SLC40A1: variants seen among roughly 807,000 people sequenced by gnomAD.
SLC40A1 encodes ferroportin.
In SLC40A1, 16 loss-of-function variants were observed where a neutral mutation model predicts 53.5. The ratio of observed to expected loss-of-function variants is 0.30; its 90% CI spans 0.20 to 0.45. SLC40A1 has a LOEUF of 0.45. SLC40A1 is among the 20% of genes least tolerant of loss of function. The probability of loss-of-function intolerance (pLI) is 1.00; values close to 1 mark genes in which losing one functional copy is unlikely to be tolerated. For synonymous variants in SLC40A1, 247 were observed against 253.2 expected (o/e 0.98, Z 0.23); for missense variants, 545 against 695.4 (o/e 0.78, Z 2.43).
chr2:189,565,607 G>C lies in SLC40A1; in HGVS notation c.515-8C>G. ...GTATTGTGGCATTCATATCTAGAGA[G>C]GCAGGTGAAAGAGGCAGGTAAGTGT... is the stretch of plus-strand genomic sequence containing the variant. On this transcript the variant is annotated splice_region_variant and splice_polypyrimidine_tract_variant and intron_variant, in intron 5 of 7. Transcript: ENST00000261024. The C allele has an allele frequency of 6.2e-7, 1 of 1,614,174 alleles. No individual in the cohort carries two copies. Among genetic ancestry groups the C allele is most frequent in the Non-Finnish European group, 8.5e-7 (1 of 1,180,042 alleles).
intron 6 of SLC40A1, among the ~76,000 whole-genome samples, chr2:189,564,455 T>C (rs4508635): frequency 0.22 from 33,825 of 151,680 alleles, 4,064 homozygotes; most frequent in Non-Finnish European, 0.26. Context: ...CCTCTTTTTT[T>C]TCTCTCTCTC....
chr2:189,570,422 A>C (rs929249653), intron 5 of SLC40A1, among the ~76,000 whole-genome samples: 11 of 152,160 alleles, frequency 7.2e-5, no homozygotes, highest in Non-Finnish European at 1.2e-4. Flanking sequence ...GTAGTTTGTT[A>C]AAAAGAGAAA....
chr2:189,579,007 G>C (rs1028891497), intron 2 of SLC40A1, among the ~76,000 whole-genome samples: 1 of 152,156 alleles, frequency 6.6e-6, no homozygotes, highest in Admixed American at 6.5e-5. Flanking sequence ...GCCATGGACA[G>C]AATATAGCCA....
chr2:189,565,591 C>A lies in SLC40A1; in HGVS notation c.523G>T (p.Ala175Ser). The change falls in exon 6 of 8, where the codon GCC (alanine) becomes TCC (serine). Residue 175 changes from alanine to serine, a missense_variant. Physicochemically the swap from Ala to Ser is moderately conservative, Grantham distance 99 (BLOSUM62 1). Transcript: ENST00000261024. ...AACTGGTCAATCCTTCGTATTGTGGCATTCATATCTAGAGAGGCAGGTGAA... is the reference window on the plus strand; with the variant it reads ...AACTGGTCAATCCTTCGTATTGTGGAATTCATATCTAGAGAGGCAGGTGAA... ...EDRSKLANMNATIRRIDQLTN... is the reference protein window; with the variant it reads ...EDRSKLANMNSTIRRIDQLTN... 6.2e-7 allele frequency: 1 copy of A among 1,614,236 alleles called. No individual in the cohort carries two copies. Among genetic ancestry groups the A allele is most frequent in the South Asian group, 1.1e-5 (1 of 91,090 alleles).
chr2:189,571,634 A>G, intron 5 of SLC40A1, 81 bp downstream of exon 5: 1 of 1,560,422 alleles, frequency 6.4e-7, no homozygotes, highest in Non-Finnish European at 8.7e-7. Context: ...CAAAAATACA[A>G]GGCTTACAGC....
intron 1 of SLC40A1, 122 bp downstream of exon 1, chr2:189,580,296 G>T: frequency 9.3e-7 from 1 of 1,072,098 alleles, no homozygotes; most frequent in Non-Finnish European, 1.4e-6. Flanking sequence ...ATGAGTCAAA[G>T]GATCTTTTTA....
Position 189,561,111 on chromosome 2 carries a change from T to C in SLC40A1, c.*767A>G, listed in dbSNP as rs1462101283. 6 of 152,250 alleles carry C rather than the reference T, an allele frequency of 3.9e-5. No homozygotes were observed. Among genetic ancestry groups the C allele is most frequent in the East Asian group, 1.9e-4 (1 of 5,202 alleles). The allele number at this position is 152,250 out of a possible 1,614,324, so 9.4% of individuals were successfully genotyped here. On this transcript the variant is annotated 3_prime_UTR_variant, in exon 8 of 8. Coordinates refer to ENST00000261024, the MANE Select transcript of SLC40A1 (RefSeq NM_014585.6). ...AAATTGGGATTCTTGCCCTTCTGTG[T>C]GGCTTTTGGCTTCTAGGTTCTATGA... is the stretch of plus-strand genomic sequence containing the variant.
At chr2:189,565,705 T>C (rs560124151) in intron 5 of SLC40A1, 106 bp from the exon 6 acceptor site, 2 of 1,495,228 alleles carry the variant, frequency 1.3e-6, no homozygotes, top group East Asian at 4.5e-5. Context: ...ATTCCTAAAA[T>C]GTGGTTTTCT....
chr2:189,575,784 T>A lies in SLC40A1; in HGVS notation c.112-464A>T, dbSNP rs140412995. Among the ~76,000 whole-genome samples the A allele has an allele frequency of 5.3e-5, 8 of 152,340 alleles. No homozygotes were observed. The South Asian group carries it at 1.2e-3, about 24-fold the overall frequency. On this transcript the variant is annotated intron_variant, in intron 2 of 7. Coordinates refer to ENST00000261024, the MANE Select transcript of SLC40A1 (RefSeq NM_014585.6). ...CATCAAGAAAAAGCCAGTTTTCCAATTTGTAAAATGATGGGAATGGACCAT... is the reference window on the plus strand; with the variant it reads ...CATCAAGAAAAAGCCAGTTTTCCAAATTGTAAAATGATGGGAATGGACCAT...
intron 7 of SLC40A1, among the ~76,000 whole-genome samples, chr2:189,562,525 TA>T (rs2030778305): frequency 6.6e-6 from 1 of 152,206 alleles, no homozygotes; most frequent in African/African-American, 2.4e-5. Context: ...TAAGTACTAG[TA>T]TTTTTTAAGT....
Position 189,576,857 on chromosome 2 carries a change from T to C in SLC40A1, c.112-1537A>G, listed in dbSNP as rs3792078. 8.5e-5 allele frequency among the ~76,000 whole-genome samples: 13 copies of C among 152,334 alleles called. No homozygotes were observed. The East Asian group carries it at 2.5e-3, about 29-fold the overall frequency. On this transcript the variant is annotated intron_variant, in intron 2 of 7. Transcript: ENST00000261024. ...TTCTTACTCTTATTGTATTTTTTAA[T>C]TGTCTTAGAGTCCTCTAAAGCAAGA...
intron 4 of SLC40A1, chr2:189,572,411 T>A: frequency 3.6e-6 from 1 of 278,068 alleles, no homozygotes; most frequent in South Asian, 3.8e-5. Flanking sequence ...ATCCCTCTCC[T>A]CTTTTCCATC....
At chr2:189,576,340 T>G (rs7600491) in intron 2 of SLC40A1, among the ~76,000 whole-genome samples, 1 of 152,070 alleles carries the variant, frequency 6.6e-6, no homozygotes, top group South Asian at 2.1e-4. Flanking sequence ...AACATCTTCA[T>G]GAAAAAATCC....
intron 6 of SLC40A1, among the ~76,000 whole-genome samples, chr2:189,564,794 C>T (rs536753195): frequency 6.0e-4 from 91 of 152,164 alleles, no homozygotes; most frequent in African/African-American, 1.9e-3. Context: ...GAGCCAAGAT[C>T]GCGCCACTGC....
intron 5 of SLC40A1, among the ~76,000 whole-genome samples, chr2:189,569,251 A>G (rs1039900608): frequency 1.3e-5 from 2 of 152,228 alleles, no homozygotes; most frequent in Non-Finnish European, 2.9e-5. Flanking sequence ...AATGGGAGCA[A>G]TCAGCATCCA....
chr2:189,577,432 C>T (rs957402814), intron 2 of SLC40A1, among the ~76,000 whole-genome samples: 3 of 152,096 alleles, frequency 2.0e-5, no homozygotes, highest in Non-Finnish European at 4.4e-5. Flanking sequence ...CTCTGGGAAA[C>T]GAGGGCTGGA....
chr2:189,570,453 C>A lies in SLC40A1; in HGVS notation c.514+1262G>T, dbSNP rs550204073. On this transcript the variant is annotated intron_variant, in intron 5 of 7. Coordinates refer to ENST00000261024, the MANE Select transcript of SLC40A1 (RefSeq NM_014585.6). Reference sequence around the variant, plus strand: ...AGAAAGTAAACAAAAAAAGACAAAGCCTTATCATCTAGTTCAATGTGACAA... The same window carrying A: ...AGAAAGTAAACAAAAAAAGACAAAGACTTATCATCTAGTTCAATGTGACAA... Among the ~76,000 whole-genome samples, 3 of 152,106 alleles carry A rather than the reference C, an allele frequency of 2.0e-5. No individual in the cohort carries two copies. The East Asian group carries it at 5.8e-4, about 29-fold the overall frequency.
chr2:189,564,033 T>C lies in SLC40A1; in HGVS notation c.953A>G (p.Tyr318Cys). ...FLAGMGLAFL[Y>C]MTVLGFDCIT... ...GCAGTCAAAGCCCAGGACAGTCATA[T>C]AAAGGAAAGCAAGACCCATGCCAGC... Residue 318 changes from tyrosine to cysteine, a missense_variant, in exon 7 of 8, where the codon TAT becomes TGT. By Grantham distance (194) the Tyr-to-Cys change is radical. This residue lies in a region of SLC40A1 where 7 missense variants were observed against 26.7 expected (regional missense o/e 0.26). Transcript: ENST00000261024. The C allele has an allele frequency of 6.2e-7, 1 of 1,613,806 alleles. No homozygotes were observed. The highest frequency in any genetic ancestry group is 8.5e-7 in the Non-Finnish European group (1 of 1,179,768).
chr2:189,571,071 T>A (rs1196530311), intron 5 of SLC40A1, among the ~76,000 whole-genome samples: 1 of 152,168 alleles, frequency 6.6e-6, no homozygotes, highest in Admixed American at 6.5e-5. Context: ...CTAAGTAATA[T>A]TGACAGAATA....
Sources: gnomAD v4.1 joint callset for allele counts (sites outside exome capture counted in the v4.1 genomes callset) on GRCh38, gnomAD v4.1.1 for gene constraint, gnomAD v4.1.1 regional missense constraint, MANE v1.5 for transcripts, NCBI Gene and HGNC (gene_info 2026-07-23, HGNC 2026-07-21) for gene names.